Variants in MGST1 observed in about 807,000 individuals in gnomAD.
The protein encoded by MGST1 is microsomal glutathione S-transferase 1.
MGST1 carries 5 observed loss-of-function variants against 8.9 expected under a neutral mutation model. The observed-to-expected ratio is 0.56, with a 90% CI of 0.29 to 1.19. The LOEUF (loss-of-function observed/expected upper bound fraction) is 1.19, where lower values mean the gene tolerates loss of function less well. Ranked by LOEUF, MGST1 falls within the 50% of genes most tolerant of loss-of-function variation. MGST1 has a pLI of 0.08. For missense variants in MGST1, 182 were observed against 187.4 expected (o/e 0.97, Z 0.17); for synonymous variants, 54 against 67.8 (o/e 0.80, Z 1.00).
At chr12:16,399,328 A>G in intron 1 of MGST1, 1 of 1,598,616 alleles carries the variant, frequency 6.3e-7, no homozygotes, top group Non-Finnish European at 8.6e-7. Flanking sequence ...CCATGGTTGG[A>G]ACCACGGTTA....
At chr12:16,480,583 A>G (rs1941357723) in intron 4 of MGST1, among the ~76,000 whole-genome samples, 1 of 152,230 alleles carries the variant, frequency 6.6e-6, no homozygotes, top group Non-Finnish European at 1.5e-5. Context: ...AAAGGCTAAC[A>G]AGTCAACTGA....
intron 1 of MGST1, among the ~76,000 whole-genome samples, chr12:16,353,266 C>G (rs1939555011): frequency 6.6e-6 from 1 of 152,172 alleles, no homozygotes; most frequent in South Asian, 2.1e-4. Context: ...ATCTCTCGAC[C>G]TCGTGATCCA....
At chr12:16,531,126 C>G (rs1018749066) in intron 4 of MGST1, among the ~76,000 whole-genome samples, 1 of 83,218 alleles carries the variant, frequency 1.2e-5, no homozygotes, top group Admixed American at 1.9e-4. Context: ...TGAATAGAAG[C>G]AAAGGAATTG....
intron 4 of MGST1, among the ~76,000 whole-genome samples, chr12:16,473,301 C>T (rs747567669): frequency 3.9e-5 from 6 of 152,166 alleles, no homozygotes; most frequent in Non-Finnish European, 7.3e-5. Context: ...TGTTAAACAT[C>T]CTACAACGCA....
intron 3 of MGST1, among the ~76,000 whole-genome samples, chr12:16,359,486 G>GT (rs1436301396): frequency 4.6e-5 from 7 of 152,136 alleles, no homozygotes; most frequent in Non-Finnish European, 1.0e-4. Context: ...GAGTAAATCA[G>GT]TGAGTCTTGA....
intron 4 of MGST1, among the ~76,000 whole-genome samples, chr12:16,455,005 C>A (rs1941162021): frequency 6.6e-6 from 1 of 150,850 alleles, no homozygotes; most frequent in African/African-American, 2.4e-5. Flanking sequence ...AAATTTTGTA[C>A]TGGAAACAAA....
At chr12:16,502,431 C>T (rs1941510573) in intron 4 of MGST1, among the ~76,000 whole-genome samples, 1 of 152,030 alleles carries the variant, frequency 6.6e-6, no homozygotes, top group African/African-American at 2.4e-5. Flanking sequence ...AAGTTTTAGC[C>T]CACAAATTTT....
intron 1 of MGST1, among the ~76,000 whole-genome samples, chr12:16,416,758 T>G (rs776263694): frequency 9.9e-5 from 15 of 152,134 alleles, no homozygotes; most frequent in Non-Finnish European, 2.1e-4. Context: ...AGGGTGTATA[T>G]GTAAAAAAAG....
At chr12:16,418,894 G>A (rs1164599751) in intron 1 of MGST1, among the ~76,000 whole-genome samples, 2 of 152,146 alleles carry the variant, frequency 1.3e-5, no homozygotes, top group Non-Finnish European at 2.9e-5. Context: ...TCAAGGATCA[G>A]TAAAAAAGTT....
downstream of MGST1, among the ~76,000 whole-genome samples, chr12:16,438,930 TTAAC>T (rs1941014144): frequency 6.6e-6 from 1 of 151,864 alleles, no homozygotes; most frequent in African/African-American, 2.4e-5. Flanking sequence ...GGATACTATT[TTAAC>T]TAACTACTGG....
intron 1 of MGST1, chr12:16,400,083 A>G: frequency 1.3e-6 from 2 of 1,577,174 alleles, no homozygotes; most frequent in Non-Finnish European, 1.7e-6. Context: ...TCTCCATGAA[A>G]TTCTAAAAGG....
intron 1 of MGST1, among the ~76,000 whole-genome samples, chr12:16,350,991 G>GA (rs764888618): frequency 1.3e-5 from 2 of 152,092 alleles, no homozygotes; most frequent in African/African-American, 2.4e-5. Flanking sequence ...ACAGTCCTGG[G>GA]AGGCTGCCAT....
intron 4 of MGST1, among the ~76,000 whole-genome samples, chr12:16,469,656 A>T (rs1403967254): frequency 6.6e-6 from 1 of 152,240 alleles, no homozygotes; most frequent in Non-Finnish European, 1.5e-5. Context: ...CAAGCTAAGT[A>T]TCGGCAAAAT....
chr12:16,549,385 A>G (rs2137230581), intron 4 of MGST1: 1 of 152,650 alleles, frequency 6.6e-6, no homozygotes, highest in African/African-American at 2.4e-5. Context: ...GGAAAAATAC[A>G]TATCATTCAC....
chr12:16,571,208 G>T (rs1269654038), intron 4 of MGST1, among the ~76,000 whole-genome samples: 1 of 151,922 alleles, frequency 6.6e-6, no homozygotes, highest in Non-Finnish European at 1.5e-5. Flanking sequence ...CAAAGAAAAG[G>T]GATGCAAAAA....
intron 4 of MGST1, among the ~76,000 whole-genome samples, chr12:16,449,075 T>C (rs1941107275): frequency 6.6e-6 from 1 of 151,950 alleles, no homozygotes; most frequent in South Asian, 2.1e-4. Flanking sequence ...ACTTTAGTTG[T>C]TATATTAGGC....
intron 4 of MGST1, among the ~76,000 whole-genome samples, chr12:16,483,577 G>A (rs1471564194): frequency 1.3e-5 from 2 of 151,748 alleles, no homozygotes; most frequent in Admixed American, 6.6e-5. Context: ...AGAAATGAAG[G>A]CAAAATATAT....
At chr12:16,418,168 A>C (rs1565450398) in intron 1 of MGST1, among the ~76,000 whole-genome samples, 1 of 152,210 alleles carries the variant, frequency 6.6e-6, no homozygotes, top group East Asian at 1.9e-4. Context: ...CATGACACTT[A>C]ATCATCAAAA....
intron 4 of MGST1, among the ~76,000 whole-genome samples, chr12:16,530,420 T>C (rs1941715097): frequency 6.6e-6 from 1 of 152,046 alleles, no homozygotes; most frequent in Admixed American, 6.6e-5. Flanking sequence ...ACTCAGCCCC[T>C]GAACAAACAA....
Sources: allele counts gnomAD v4.1 joint callset (sites outside exome capture counted in the v4.1 genomes callset), GRCh38; gene constraint gnomAD v4.1.1; transcripts MANE v1.5; gene names NCBI Gene and HGNC (gene_info 2026-07-23, HGNC 2026-07-21).